Variants in NCR1 observed in about 807,000 individuals in gnomAD.
NCR1 encodes the protein natural cytotoxicity triggering receptor 1, also known as NK cell-activating receptor.
Under a neutral mutation model 32.5 loss-of-function variants are expected in NCR1, and 30 were observed. The observed-to-expected ratio is 0.92, with a 90% confidence interval of 0.69 to 1.25. The LOEUF is 1.25. Ranked by LOEUF, NCR1 falls within the 50% of genes most tolerant of loss-of-function variation. NCR1 has a pLI of 0.00. For missense variants in NCR1, 369 were observed against 380.7 expected (o/e 0.97, Z 0.26); for synonymous variants, 169 against 143.4 (o/e 1.18, Z -1.28).
chr19:54,903,487 T>C (rs1205300752), upstream of NCR1, among the ~76,000 whole-genome samples: 8 of 146,798 alleles, frequency 5.4e-5, no homozygotes, highest in Non-Finnish European at 9.0e-5. Flanking sequence ...CATGTATGTA[T>C]ATACATATAT....
chr19:54,937,765 C>T, the NCR1 span, among the ~76,000 whole-genome samples: 2 of 151,750 alleles, frequency 1.3e-5, no homozygotes, highest in South Asian at 4.2e-4. Flanking sequence ...GGCAAGGTGG[C>T]ACATGCCTGT....
chr19:54,930,111 G>A, the NCR1 span, among the ~76,000 whole-genome samples: 5 of 88,950 alleles, frequency 5.6e-5, no homozygotes, highest in Non-Finnish European at 1.1e-4. Context: ...ACGAGGCTCC[G>A]TCTCAAAAAA....
downstream of NCR1, among the ~76,000 whole-genome samples, chr19:54,919,825 C>T (rs2068212948): frequency 1.3e-5 from 2 of 151,754 alleles, no homozygotes; most frequent in South Asian, 4.2e-4. Context: ...GGTGTCTTCC[C>T]AGACGCTGGC....
intron 3 of NCR1, among the ~76,000 whole-genome samples, chr19:54,908,992 A>G (rs587670425): frequency 1.0e-5 from 1 of 99,524 alleles, no homozygotes; most frequent in East Asian, 2.5e-4. Context: ...TTTGACCAAA[A>G]TAATAATTAA....
chr19:54,918,494 G>C (rs541450071), downstream of NCR1, among the ~76,000 whole-genome samples: 1 of 151,998 alleles, frequency 6.6e-6, no homozygotes, highest in Non-Finnish European at 1.5e-5. Context: ...GGATGGTCTC[G>C]AACTCCTGGC....
the NCR1 span, among the ~76,000 whole-genome samples, chr19:54,931,286 C>T: frequency 1.3e-5 from 2 of 151,806 alleles, no homozygotes; most frequent in South Asian, 2.1e-4. Context: ...GGGCCGGGCG[C>T]GGTGGCTCAA....
chr19:54,932,169 T>TGGAA, the NCR1 span, among the ~76,000 whole-genome samples: 5 of 152,138 alleles, frequency 3.3e-5, no homozygotes, highest in South Asian at 1.0e-3. Context: ...GGCTCATGCC[T>TGGAA]GGAACGCCAG....
downstream of NCR1, among the ~76,000 whole-genome samples, chr19:54,917,300 CTG>C (rs1275660737): frequency 6.8e-6 from 1 of 146,280 alleles, no homozygotes; most frequent in African/African-American, 2.5e-5. Context: ...GAGTGACAGA[CTG>C]TGACTCCTCA....
chr19:54,935,454 G>A, the NCR1 span, among the ~76,000 whole-genome samples: 1 of 152,090 alleles, frequency 6.6e-6, no homozygotes, highest in Non-Finnish European at 1.5e-5. Context: ...CTAGCACTTT[G>A]GGAGGCCGAG....
At chr19:54,922,223 G>A in the NCR1 span, among the ~76,000 whole-genome samples, 322 of 152,232 alleles carry the variant, frequency 2.1e-3, 1 homozygote, top group Middle Eastern at 0.02. Context: ...ATCACCTACC[G>A]CAAGCGTGGA....
At chr19:54,905,524 G>C (rs1300071966), upstream of NCR1, among the ~76,000 whole-genome samples, 3 of 152,130 alleles carry the variant, frequency 2.0e-5, no homozygotes, top group African/African-American at 7.2e-5. Context: ...ATTCAATTGA[G>C]ACATGCATCA....
the NCR1 span, among the ~76,000 whole-genome samples, chr19:54,929,444 A>T: frequency 2.0e-5 from 3 of 152,164 alleles, no homozygotes; most frequent in Non-Finnish European, 2.9e-5. Flanking sequence ...TGACGTGCAG[A>T]TTCTCTTTGC....
downstream of NCR1, among the ~76,000 whole-genome samples, chr19:54,920,824 G>A (rs918049917): frequency 2.0e-5 from 3 of 151,996 alleles, no homozygotes; most frequent in Non-Finnish European, 2.9e-5. Context: ...CCACCATCTT[G>A]GCTGGGCACG....
At chr19:54,916,511 G>A (rs1167019482), downstream of NCR1, among the ~76,000 whole-genome samples, 1 of 150,490 alleles carries the variant, frequency 6.6e-6, no homozygotes, top group Non-Finnish European at 1.5e-5. Context: ...TAGAGACGGG[G>A]TTTCTCCATG....
chr19:54,903,484 GTA>G (rs1205159808), upstream of NCR1, among the ~76,000 whole-genome samples: 7 of 136,524 alleles, frequency 5.1e-5, no homozygotes, highest in Non-Finnish European at 9.5e-5. Context: ...ATACATGTAT[GTA>G]TATACATATA....
the NCR1 span, among the ~76,000 whole-genome samples, chr19:54,933,057 A>C: frequency 6.6e-6 from 1 of 152,066 alleles, no homozygotes; most frequent in Non-Finnish European, 1.5e-5. Flanking sequence ...AGAACCAACT[A>C]CTCATCTCAA....
intron 5 of NCR1, among the ~76,000 whole-genome samples, chr19:54,910,746 A>T (rs1408908989): frequency 6.6e-6 from 1 of 152,216 alleles, no homozygotes; most frequent in African/African-American, 2.4e-5. Context: ...GGAGGGAATG[A>T]TGCTATGGAA....
At chr19:54,923,223 A>ATGAG in the NCR1 span, among the ~76,000 whole-genome samples, 52 of 152,284 alleles carry the variant, frequency 3.4e-4, no homozygotes, top group Middle Eastern at 3.4e-3. Context: ...CTGAGAGCTG[A>ATGAG]TGAGAGACCG....
At chr19:54,933,459 A>T in the NCR1 span, 2 of 1,400,044 alleles carry the variant, frequency 1.4e-6, no homozygotes, top group Non-Finnish European at 1.0e-6. Flanking sequence ...CCTGTTCTTT[A>T]ATTCTTACCA....
Sources: gnomAD v4.1 joint callset for allele counts (sites outside exome capture counted in the v4.1 genomes callset) on GRCh38, gnomAD v4.1.1 for gene constraint, MANE v1.5 for transcripts, NCBI Gene and HGNC (gene_info 2026-07-23, HGNC 2026-07-21) for gene names.